CR1L: variants seen among roughly 807,000 people sequenced by gnomAD.
CR1L encodes complement component receptor 1-like protein.
A neutral mutation model predicts 62.3 loss-of-function variants in CR1L; 59 were observed. The ratio of observed to expected loss-of-function variants is 0.95; its 90% confidence interval spans 0.77 to 1.18. The LOEUF (loss-of-function observed/expected upper bound fraction) is 1.18, where lower values mean the gene tolerates loss of function less well. Among genes scored for constraint, CR1L ranks in the 50% most tolerant of loss-of-function variants. The pLI is 0.00. For missense variants in CR1L, 700 were observed against 702.8 expected (o/e 1.00, Z 0.04); for synonymous variants, 279 against 248.7 (o/e 1.12, Z -1.15).
In CR1L at chr1:207,717,611, C is replaced by T; in HGVS notation, c.1562C>T (p.Thr521Ile). 6.2e-7 allele frequency: 1 copy of T among 1,613,982 alleles called. No individual in the cohort carries two copies. The highest frequency in any genetic ancestry group is 1.1e-5 in the South Asian group (1 of 91,070). Residue 521 changes from threonine (T) to isoleucine (I), a missense_variant, in exon 11 of 12, where the codon ACC becomes ATC. By Grantham distance (89) the Thr-to-Ile change is moderately conservative. Transcript: ENST00000508064. ...GMTFNLIGES[T>I]IRRTSEPHGN... is the part of the protein sequence containing the mutation. ...ACCTTCAACCTCATTGGGGAGAGCA[C>T]CATCCGCCGCACAAGTGAACCTCAT...
intron 1 of CR1L, among the ~76,000 whole-genome samples, chr1:207,646,854 A>C (rs1398635553): frequency 6.6e-6 from 1 of 151,842 alleles, no homozygotes; most frequent in East Asian, 1.9e-4. Context: ...ATGTGTATCT[A>C]TGTCCAAATT....
chr1:207,652,992 A>T (rs1194937225), intron 1 of CR1L: 1 of 242,284 alleles, frequency 4.1e-6, no homozygotes, highest in Non-Finnish European at 8.0e-6. Context: ...ATGCCCATGC[A>T]TTCAAAACCG....
In CR1L at chr1:207,645,169, T is replaced by C; in HGVS notation, c.-65T>C. ...TAACCGGACTCAGAAGGGACTTCCCTGCTCGGCTGGCTTTCGGTTTCTCTG... is the reference window on the plus strand; with the variant it reads ...TAACCGGACTCAGAAGGGACTTCCCCGCTCGGCTGGCTTTCGGTTTCTCTG... On this transcript the variant is annotated 5_prime_UTR_variant, in exon 1 of 12. Transcript: ENST00000508064. The C allele has an allele frequency of 1.3e-6, 2 of 1,542,916 alleles. No individual in the cohort carries two copies. The highest frequency in any genetic ancestry group is 2.2e-5 in the South Asian group (2 of 89,464).
chr1:207,695,648 C>T (rs957298792), intron 5 of CR1L, among the ~76,000 whole-genome samples: 3 of 152,176 alleles, frequency 2.0e-5, no homozygotes, highest in African/African-American at 7.2e-5. Context: ...GTATAAAGAA[C>T]TACCTGAGAC....
intron 1 of CR1L, among the ~76,000 whole-genome samples, chr1:207,662,796 T>G (rs577962256): frequency 1.3e-5 from 2 of 152,346 alleles, no homozygotes; most frequent in Admixed American, 1.3e-4. Flanking sequence ...CTTTGGTCTT[T>G]GATGATGGTG....
chr1:207,712,564 T>C (rs1664375486), intron 10 of CR1L, among the ~76,000 whole-genome samples: 1 of 152,220 alleles, frequency 6.6e-6, no homozygotes, highest in Non-Finnish European at 1.5e-5. Flanking sequence ...ATGGTGAGCA[T>C]ACCCTAAGCC....
chr1:207,696,602 A>G (rs958575588), intron 5 of CR1L, among the ~76,000 whole-genome samples: 3 of 152,208 alleles, frequency 2.0e-5, no homozygotes, highest in African/African-American at 7.2e-5. Context: ...GCATCAGAGT[A>G]TTTACAAACT....
intron 4 of CR1L, among the ~76,000 whole-genome samples, chr1:207,691,636 A>G (rs1200525256): frequency 6.6e-6 from 1 of 152,072 alleles, no homozygotes; most frequent in African/African-American, 2.4e-5. Context: ...TATTTTCCCC[A>G]GTAGCTTTTA....
At chr1:207,683,008 CTT>C (rs766636399) in intron 3 of CR1L, among the ~76,000 whole-genome samples, 55 of 122,740 alleles carry the variant, frequency 4.5e-4, no homozygotes, top group South Asian at 3.4e-3. Context: ...TTCTTTCTTT[CTT>C]TTTCTTTCTT....
chr1:207,673,516 G>A (rs1246591372), intron 1 of CR1L, among the ~76,000 whole-genome samples: 1 of 152,196 alleles, frequency 6.6e-6, no homozygotes, highest in African/African-American at 2.4e-5. Flanking sequence ...TGTTAATTGT[G>A]CGTATAGCAC....
Position 207,649,135 on chromosome 1 carries a change from G to C in CR1L, c.97+3805G>C, listed in dbSNP as rs1571639888. Among the ~76,000 whole-genome samples, 4 of 152,284 alleles carry C rather than the reference G, an allele frequency of 2.6e-5. No individual in the cohort carries two copies. In the South Asian group the frequency reaches 8.3e-4, roughly 32 times the overall value. ...GGTGACTGATCACTGCTTCCCAGGG[G>C]GAGGCAGAAAATGCTTCTTGGAGGA... On this transcript the variant is annotated intron_variant, in intron 1 of 11. Transcript: ENST00000508064.
chr1:207,687,731 T>C (rs1663934338), intron 4 of CR1L, among the ~76,000 whole-genome samples: 1 of 152,192 alleles, frequency 6.6e-6, no homozygotes, highest in Non-Finnish European at 1.5e-5. Flanking sequence ...TTTTCATATG[T>C]TTGTGAAGGG....
In CR1L at chr1:207,697,896, T is replaced by G. The variant is rs776586850; in HGVS notation, c.1142+23T>G. On this transcript the variant is annotated intron_variant, in intron 7 of 11. Transcript: ENST00000508064. ...AGGGTGAGTATGAGCTTGCCTGACC[T>G]GCTGGACATTGAAATTGGGGTTAGG... The G allele has an allele frequency of 1.9e-6, 3 of 1,613,646 alleles. No homozygotes were observed. The South Asian group carries it at 3.3e-5, about 18-fold the overall frequency.
At chr1:207,719,624 G>A (rs963695494) in intron 11 of CR1L, among the ~76,000 whole-genome samples, 1 of 152,056 alleles carries the variant, frequency 6.6e-6, no homozygotes, top group East Asian at 1.9e-4. Context: ...GAGAGGCTCA[G>A]GTGGGAGAAT....
chr1:207,717,568 C>G lies in CR1L; in HGVS notation c.1519C>G (p.His507Asp). The G allele has an allele frequency of 6.2e-7, 1 of 1,613,948 alleles. No homozygotes were observed. Among genetic ancestry groups the G allele is most frequent in the Non-Finnish European group, 8.5e-7 (1 of 1,179,844 alleles). ...GKEVSYTCDP[H>D]PDRGMTFNLI... Reference sequence around the variant, plus strand: ...AGAAGTATCTTACACATGTGACCCCCACCCAGACAGAGGGATGACCTTCAA... The same window carrying G: ...AGAAGTATCTTACACATGTGACCCCGACCCAGACAGAGGGATGACCTTCAA... Residue 507 changes from histidine to aspartate, a missense_variant, in exon 11 of 12, where the codon CAC becomes GAC. Physicochemically the swap from His to Asp is moderately conservative, Grantham distance 81. Coordinates refer to ENST00000508064, the MANE Select transcript of CR1L (RefSeq NM_175710.2).
At chr1:207,694,908 A>G (rs1664051421) in intron 5 of CR1L, among the ~76,000 whole-genome samples, 157 bp downstream of exon 5, 2 of 152,206 alleles carry the variant, frequency 1.3e-5, no homozygotes, top group South Asian at 4.1e-4. Flanking sequence ...GTGTGTGTAC[A>G]TGCAGATGTG....
In CR1L at chr1:207,667,249, A is replaced by T. The variant is rs942727595; in HGVS notation, c.98-10140A>T. Among the ~76,000 whole-genome samples, 5 of 152,322 alleles carry T rather than the reference A, an allele frequency of 3.3e-5. No homozygotes were observed. In the East Asian group the frequency reaches 9.6e-4, roughly 29 times the overall value. On this transcript the variant is annotated intron_variant, in intron 1 of 11. Coordinates refer to ENST00000508064, the MANE Select transcript of CR1L (RefSeq NM_175710.2). ...TATCTTGTGGTTTAAAACAACACAA[A>T]TCTATTCTTTCACATTTCAGGAGAT...
chr1:207,707,905 C>T (rs1664294272), intron 9 of CR1L, among the ~76,000 whole-genome samples: 3 of 151,804 alleles, frequency 2.0e-5, no homozygotes, highest in Admixed American at 6.6e-5. Context: ...AGCAGGTCTA[C>T]AAAATGATTG....
intron 1 of CR1L, among the ~76,000 whole-genome samples, chr1:207,664,547 A>G (rs1663481342): frequency 6.6e-6 from 1 of 152,166 alleles, no homozygotes; most frequent in Non-Finnish European, 1.5e-5. Flanking sequence ...TTGCATATGA[A>G]TTTAATACTC....
Sources: allele counts gnomAD v4.1 joint callset (sites outside exome capture counted in the v4.1 genomes callset), GRCh38; gene constraint gnomAD v4.1.1; transcripts MANE v1.5; gene names NCBI Gene and HGNC (gene_info 2026-07-23, HGNC 2026-07-21).